Variants in DFFB observed in about 807,000 individuals in gnomAD.
DFFB encodes DNA fragmentation factor 40 kDa subunit.
In DFFB, 29 loss-of-function variants were observed where a neutral mutation model predicts 32.7. The observed-to-expected ratio is 0.89, with a 90% CI of 0.66 to 1.21. The LOEUF is 1.21. Among genes scored for constraint, DFFB ranks in the 50% most tolerant of loss-of-function variants. DFFB has a pLI of 0.00. For synonymous variants in DFFB, 170 were observed against 177.1 expected (o/e 0.96, Z 0.32); for missense variants, 398 against 440.6 (o/e 0.90, Z 0.87).
At position 3,858,771 on chromosome 1, in the gene DFFB, G is replaced by A. The variant is rs1403543052; in HGVS notation, c.168G>A (p.Thr56=). The A allele has an allele frequency of 2.5e-6, 4 of 1,614,164 alleles. No individual in the cohort carries two copies. The highest frequency in any genetic ancestry group is 2.2e-5 in the East Asian group (1 of 44,878). Residue 56 remains threonine (T), a synonymous_variant, in exon 2 of 7, where the codon ACG becomes ACA. Coordinates refer to ENST00000378209, the MANE Select transcript of DFFB (RefSeq NM_004402.4). ...TGTACGAGGATGGCACGGAGCTGAC[G>A]GAAGATTACTTCCCCAGTGTTCCCG... ...LCLYEDGTEL[T]EDYFPSVPDN...
Position 3,883,805 on chromosome 1 carries a change from CTTTTTTGTTTTTTTG to C in DFFB, c.*70_*84del, listed in dbSNP as rs1454675195. Reference sequence around the variant, plus strand: ...ACGTGGGCATCATTTTAACAGGTGCCTTTTTTGTTTTTTTGTTTTTCGTTTTTTTGGTCACTCCAG... The same window carrying C: ...ACGTGGGCATCATTTTAACAGGTGCCTTTTTCGTTTTTTTGGTCACTCCAG... On this transcript the variant is annotated 3_prime_UTR_variant, in exon 7 of 7. Transcript: ENST00000378209. 4 of 1,471,556 alleles carry C rather than the reference CTTTTTTGTTTTTTTG, an allele frequency of 2.7e-6. No homozygotes were observed. The highest frequency in any genetic ancestry group is 3.7e-6 in the Non-Finnish European group (4 of 1,072,950). The allele number at this position is 1,471,556 out of a possible 1,614,324, so 91.2% of individuals were successfully genotyped here.
Position 3,872,911 on chromosome 1 carries a change from GGTTCTGAACCTCTGTGA to G in DFFB, c.782+343_782+359del, listed in dbSNP as rs1457577174. On this transcript the variant is annotated intron_variant, in intron 6 of 6. Coordinates refer to ENST00000378209, the MANE Select transcript of DFFB (RefSeq NM_004402.4). ...CAGGTCCCAGCCCTTGGCTGTCAGA[GGTTCTGAACCTCTGTGA>G]GTTTGAACCAGGGTGAGCTCAGACA... is the stretch of plus-strand genomic sequence containing the variant. The G allele has an allele frequency of 1.4e-4, 170 of 1,213,194 alleles. 1 individual carries two copies. The highest frequency in any genetic ancestry group is 1.0e-3 in the South Asian group (62 of 61,902). 75.2% of individuals were successfully genotyped at this position (1,213,194 alleles called of 1,614,324 possible). A position where few individuals can be genotyped will look rare whatever the true frequency, so the allele number is the denominator to read the frequency against.
intron 1 of DFFB, 40 bp from the exon 2 acceptor site, chr1:3,858,678 G>GATGCAA (rs779542927): frequency 6.2e-7 from 1 of 1,605,906 alleles, no homozygotes; most frequent in South Asian, 1.1e-5. Context: ...CCCTCGTCTT[G>GATGCAA]AGACCCTTCC....
chr1:3,880,830 C>T (rs192464875), intron 6 of DFFB, among the ~76,000 whole-genome samples: 80 of 152,338 alleles, frequency 5.3e-4, no homozygotes, highest in Non-Finnish European at 1.0e-3. Flanking sequence ...GCCCCTTCAG[C>T]ATGGCTCTTC....
chr1:3,869,498 G>A, intron 4 of DFFB, 107 bp from the exon 5 acceptor site: 1 of 1,194,658 alleles, frequency 8.4e-7, no homozygotes, highest in Non-Finnish European at 1.2e-6. Flanking sequence ...CCACAGGACT[G>A]GGCTTGGGCA....
chr1:3,857,903 AG>A lies in DFFB; in HGVS notation c.114+192del, dbSNP rs989336398. 1.9e-3 allele frequency among the ~76,000 whole-genome samples: 285 copies of A among 152,176 alleles called. 1 individual carries two copies. Among genetic ancestry groups the A allele is most frequent in the African/African-American group, 6.6e-3 (275 of 41,540 alleles). ...GTTCCTGAGCGTGGCTTCAGAACGC[AG>A]GGGGGTTGGGGGACGACCTGGATCA... On this transcript the variant is annotated intron_variant, in intron 1 of 6. Coordinates refer to ENST00000378209, the MANE Select transcript of DFFB (RefSeq NM_004402.4).
intron 6 of DFFB, among the ~76,000 whole-genome samples, chr1:3,882,221 T>G (rs1645353984): frequency 7.7e-6 from 1 of 129,278 alleles, no homozygotes; most frequent in African/African-American, 2.8e-5. Context: ...CCTGGCTAAT[T>G]TTTTTGTCAT....
chr1:3,873,759 G>C (rs76249771), intron 6 of DFFB, among the ~76,000 whole-genome samples: 1 of 151,988 alleles, frequency 6.6e-6, no homozygotes, highest in South Asian at 2.1e-4. Context: ...GGTTACAGGT[G>C]TGAGCCACTG....
rs1439493586 is a variant in DFFB at position 3,868,718 on chromosome 1, C to CACCAGGCCACACCAT, written c.510+665_510+666insACCAGGCCACACCAT. ...GGCCACACCACACCAGGCCACACCA[C>CACCAGGCCACACCAT]GTCATTCCACACCATGCCACACCGC... On this transcript the variant is annotated intron_variant, in intron 4 of 6. Transcript: ENST00000378209. Among the ~76,000 whole-genome samples the CACCAGGCCACACCAT allele has an allele frequency of 6.2e-4, 86 of 138,124 alleles. 1 individual carries two copies. The highest frequency in any genetic ancestry group is 2.7e-3 in the African/African-American group (78 of 28,476). 90.6% of individuals were successfully genotyped at this position (138,124 alleles called of 152,430 possible). A position where few individuals can be genotyped will look rare whatever the true frequency, so the allele number is the denominator to read the frequency against.
chr1:3,866,882 C>T (rs528788278), intron 3 of DFFB, among the ~76,000 whole-genome samples: 1 of 152,138 alleles, frequency 6.6e-6, no homozygotes, highest in East Asian at 1.9e-4. Context: ...TCATCCATAT[C>T]GTAGCGTATA....
At chr1:3,861,341 G>A (rs1644877102) in intron 2 of DFFB, among the ~76,000 whole-genome samples, 1 of 152,122 alleles carries the variant, frequency 6.6e-6, no homozygotes, top group East Asian at 1.9e-4. Flanking sequence ...TCAACCATTC[G>A]CCTGTGGAAA....
chr1:3,870,551 C>T (rs1645091934), intron 5 of DFFB, among the ~76,000 whole-genome samples: 1 of 152,246 alleles, frequency 6.6e-6, no homozygotes, highest in Admixed American at 6.5e-5. Context: ...TGAGTACTTA[C>T]TTTGTGCCTG....
At chr1:3,881,283 A>G (rs1570947695) in intron 6 of DFFB, among the ~76,000 whole-genome samples, 1 of 152,120 alleles carries the variant, frequency 6.6e-6, no homozygotes. Context: ...CCCCAGGCCA[A>G]CCCCCGGAAG....
chr1:3,883,873 G>A lies in DFFB; in HGVS notation c.*132G>A, dbSNP rs1189960258. ...GCTCCTGGAAAAAACCTTAAAAAAT[G>A]TTTCCTCCAAATCTGATTTCATTAC... On this transcript the variant is annotated 3_prime_UTR_variant, in exon 7 of 7. Coordinates refer to ENST00000378209, the MANE Select transcript of DFFB (RefSeq NM_004402.4). 1.5e-6 allele frequency: 1 copy of A among 671,106 alleles called. No individual in the cohort carries two copies. The highest frequency in any genetic ancestry group is 2.6e-6 in the Non-Finnish European group (1 of 390,352). The allele number at this position is 671,106 out of a possible 1,614,324, so 41.6% of individuals were successfully genotyped here. A position where few individuals can be genotyped will look rare whatever the true frequency, so the allele number is the denominator to read the frequency against.
chr1:3,881,742 C>T (rs71503074), intron 6 of DFFB, among the ~76,000 whole-genome samples: 22,396 of 152,004 alleles, frequency 0.15, 1,725 homozygotes, highest in South Asian at 0.17. Flanking sequence ...TGGTGGCGCA[C>T]GCCTGTAATC....
intron 6 of DFFB, among the ~76,000 whole-genome samples, chr1:3,882,173 C>T (rs1212354185): frequency 6.6e-6 from 1 of 152,082 alleles, no homozygotes; most frequent in African/African-American, 2.4e-5. Context: ...CCTCAGCCTC[C>T]TGAGTAGTAG....
intron 6 of DFFB, among the ~76,000 whole-genome samples, chr1:3,876,778 T>G (rs1645230447): frequency 6.6e-6 from 1 of 152,202 alleles, no homozygotes; most frequent in South Asian, 2.1e-4. Context: ...TTCCCACCCT[T>G]AGTGCCACCT....
intron 2 of DFFB, among the ~76,000 whole-genome samples, chr1:3,860,983 C>T (rs1475829461): frequency 5.9e-5 from 9 of 151,908 alleles, no homozygotes; most frequent in African/African-American, 1.7e-4. Context: ...GGTGAAACCC[C>T]GTCTCTACTA....
In DFFB at chr1:3,885,387, G is replaced by T. The variant is rs1187573110; in HGVS notation, c.*1646G>T. The T allele has an allele frequency of 6.6e-6, 1 of 152,078 alleles. No individual in the cohort carries two copies. The highest frequency in any genetic ancestry group is 2.4e-5 in the African/African-American group (1 of 41,418). The allele number at this position is 152,078 out of a possible 1,614,324, so 9.4% of individuals were successfully genotyped here. A position where few individuals can be genotyped will look rare whatever the true frequency, so the allele number is the denominator to read the frequency against. ...TTGTAATATTTGAATTTTTACATTT[G>T]TTGTACAATCAGGAAAAGCAATAAA... On this transcript the variant is annotated 3_prime_UTR_variant, in exon 7 of 7. Transcript: ENST00000378209.
Sources: gnomAD v4.1 joint callset for allele counts (sites outside exome capture counted in the v4.1 genomes callset) on GRCh38, gnomAD v4.1.1 for gene constraint, MANE v1.5 for transcripts, NCBI Gene and HGNC (gene_info 2026-07-23, HGNC 2026-07-21) for gene names.